The following SVIL variants were observed in gnomAD, a reference collection of about 807,000 sequenced individuals.
SVIL encodes the protein archvillin.
SVIL carries 101 observed loss-of-function variants against 240.4 expected under a neutral mutation model. The observed-to-expected ratio is 0.42, with a 90% CI of 0.36 to 0.50. SVIL has a LOEUF of 0.50. Ranked by LOEUF, SVIL falls within the 20% of genes least tolerant of loss-of-function variation. SVIL has a pLI of 0.01. For missense variants in SVIL, 2,512 were observed against 2,818.7 expected, an observed-to-expected ratio of 0.89 and a Z score of 2.46; for synonymous variants, 999 against 1,100.0, an observed-to-expected ratio of 0.91 and a Z score of 1.82.
chr10:29,592,124 T>C (rs781216646), intron 1 of SVIL, among the ~76,000 whole-genome samples: 2 of 152,210 alleles, frequency 1.3e-5, no homozygotes, highest in Non-Finnish European at 2.9e-5. Flanking sequence ...TGGTGGTATA[T>C]GCCTATAATC....
At chr10:29,677,499 C>T (rs1373593526) in intron 2 of SVIL, among the ~76,000 whole-genome samples, 2 of 152,138 alleles carry the variant, frequency 1.3e-5, no homozygotes, top group Non-Finnish European at 2.9e-5. Context: ...GCTTCAAACT[C>T]CTGGACTCCA....
intron 2 of SVIL, among the ~76,000 whole-genome samples, chr10:29,666,384 C>A (rs1311490675): frequency 1.3e-5 from 2 of 152,210 alleles, no homozygotes; most frequent in Non-Finnish European, 2.9e-5. Context: ...TCTGACTTCT[C>A]TGCCTGGGGC....
At chr10:29,570,508 G>A (rs1431008983) in intron 1 of SVIL, among the ~76,000 whole-genome samples, 1 of 152,204 alleles carries the variant, frequency 6.6e-6, no homozygotes, top group Non-Finnish European at 1.5e-5. Flanking sequence ...TTGAAAGCAT[G>A]TATTTTCCTC....
Position 29,486,191 on chromosome 10 carries a change from G to C in SVIL, c.4673C>G (p.Ala1558Gly), listed in dbSNP as rs146015061. 1.7e-5 allele frequency: 27 copies of C among 1,614,168 alleles called. No individual in the cohort carries two copies. Among genetic ancestry groups the C allele is most frequent in the Non-Finnish European group, 2.2e-5 (26 of 1,180,026 alleles). ...DPKEDELYEA[A>G]IIETNCIYRL... ...GTAAATGCAGTTAGTTTCTATTATG[G>C]CTGCTTCATAGAGTTCATCTTCTTT... Residue 1558 changes from alanine (A) to glycine (G), a missense_variant, in exon 26 of 38, where the codon GCC becomes GGC. This residue lies in a region of SVIL where 797 missense variants were observed against 925.3 expected (regional missense o/e 0.86). Transcript: ENST00000355867.
At chr10:29,702,151 G>A (rs1962559775) in intron 1 of SVIL, among the ~76,000 whole-genome samples, 1 of 126,888 alleles carries the variant, frequency 7.9e-6, no homozygotes, top group African/African-American at 2.9e-5. Flanking sequence ...CTCCAGCCTG[G>A]GTAATAGAGC....
At position 29,550,630 on chromosome 10, in the gene SVIL, C is replaced by T. The variant is rs1398609519; in HGVS notation, c.794G>A (p.Gly265Asp). 1.9e-5 allele frequency: 30 copies of T among 1,613,050 alleles called. No homozygotes were observed. Among genetic ancestry groups the T allele is most frequent in the Non-Finnish European group, 2.3e-5 (27 of 1,179,534 alleles). The change falls in exon 6 of 38, where the codon GGT becomes GAT. Residue 265 changes from glycine (G) to aspartate (D), a missense_variant. Physicochemically the swap from Gly to Asp is moderately conservative, Grantham distance 94. Around this residue, in one of 3 missense-constraint regions of SVIL, gnomAD observed 1,443 missense variants for 1,486.6 expected, o/e 0.97. Coordinates refer to ENST00000355867, the MANE Select transcript of SVIL (RefSeq NM_021738.3). ...QQAASRSPSF[G>D]DPQLSPEARP... ...GGCCTCAGGGGATAGCTGTGGGTCA[C>T]CAAAGGAGGGGCTCCGGGAGGCTGC...
At chr10:29,541,662 A>C (rs1040902184) in intron 6 of SVIL, among the ~76,000 whole-genome samples, 1 of 152,010 alleles carries the variant, frequency 6.6e-6, no homozygotes, top group Admixed American at 6.5e-5. Flanking sequence ...AATTGTCAGA[A>C]AATGCTGGAA....
chr10:29,621,154 C>T (rs1356525566), intron 1 of SVIL, among the ~76,000 whole-genome samples: 1 of 152,100 alleles, frequency 6.6e-6, no homozygotes, highest in Non-Finnish European at 1.5e-5. Context: ...ATGTAAGAAT[C>T]AGGTAAATCT....
intron 8 of SVIL, 110 bp from the exon 9 acceptor site, chr10:29,532,282 C>T (rs1589139266): frequency 7.4e-7 from 1 of 1,348,476 alleles, no homozygotes. Flanking sequence ...CACCACCAAA[C>T]CCCTCTTCAT....
upstream of SVIL, among the ~76,000 whole-genome samples, chr10:29,638,011 T>A (rs1487790470): frequency 6.6e-6 from 1 of 152,138 alleles, no homozygotes; most frequent in African/African-American, 2.4e-5. Context: ...GTTCTGGAAC[T>A]CTTCTATTGG....
At chr10:29,679,408 C>T (rs1044385513) in intron 2 of SVIL, among the ~76,000 whole-genome samples, 1 of 152,196 alleles carries the variant, frequency 6.6e-6, no homozygotes, top group Non-Finnish European at 1.5e-5. Context: ...CTCCTTTCCA[C>T]ATGCAAGTCT....
At chr10:29,728,976 A>G (rs12247281) in intron 1 of SVIL, among the ~76,000 whole-genome samples, 10,561 of 152,126 alleles carry the variant, frequency 0.069, 946 homozygotes, top group African/African-American at 0.21. Flanking sequence ...AATGTCAAAG[A>G]GGGAAACAAA....
intron 1 of SVIL, among the ~76,000 whole-genome samples, chr10:29,592,322 T>C (rs1354251706): frequency 6.6e-6 from 1 of 152,244 alleles, no homozygotes; most frequent in Admixed American, 6.5e-5. Context: ...CTAAGTGTAA[T>C]ATTTGCATAT....
At position 29,561,766 on chromosome 10, in the gene SVIL, C is replaced by T. The variant is rs534094442; in HGVS notation, c.-51+1435G>A. On this transcript the variant is annotated intron_variant, in intron 3 of 37. Transcript: ENST00000355867. ...CGTGGACCACCTCATTTCCAGGTAC[C>T]GTGAACGATTAATTTTCTTTTTGAT... Among the ~76,000 whole-genome samples, 9 of 152,254 alleles carry T rather than the reference C, an allele frequency of 5.9e-5. No homozygotes were observed. In the South Asian group the frequency reaches 1.9e-3, roughly 32 times the overall value.
intron 3 of SVIL, among the ~76,000 whole-genome samples, chr10:29,561,673 G>A (rs1017127824): frequency 3.3e-5 from 5 of 150,908 alleles, no homozygotes; most frequent in Non-Finnish European, 5.9e-5. Context: ...ATCTGCACCC[G>A]TCCTAACTGG....
At position 29,531,998 on chromosome 10, in the gene SVIL, C is replaced by T. The variant is rs751557838; in HGVS notation, c.2009+4G>A. ...ATGAGGAAACTGCGCATACGCATGC[C>T]TACCTATCCGATTCCTTTCGTTCTG... On this transcript the variant is annotated splice_donor_region_variant and intron_variant, in intron 9 of 37. Transcript: ENST00000355867. 1 of 1,614,006 alleles carries T rather than the reference C, an allele frequency of 6.2e-7. No homozygotes were observed. The highest frequency in any genetic ancestry group is 8.5e-7 in the Non-Finnish European group (1 of 1,179,976).
At chr10:29,492,243 AG>A (rs112881166) in intron 21 of SVIL, among the ~76,000 whole-genome samples, 25 of 152,202 alleles carry the variant, frequency 1.6e-4, no homozygotes, top group Admixed American at 7.8e-4. Context: ...AGGGATGGAC[AG>A]GGGGCTCAAG....
chr10:29,487,228 G>T lies in SVIL; in HGVS notation c.4420C>A (p.Leu1474Met). The T allele has an allele frequency of 1.2e-6, 2 of 1,614,152 alleles. No individual in the cohort carries two copies. Among genetic ancestry groups the T allele is most frequent in the Non-Finnish European group, 1.7e-6 (2 of 1,180,010 alleles). The change falls in exon 24 of 38, where the codon CTG (leucine) becomes ATG (methionine). Residue 1474 changes from leucine to methionine, a missense_variant. This residue lies in a region of SVIL where 272 missense variants were observed against 406.8 expected (regional missense o/e 0.67). Coordinates refer to ENST00000355867, the MANE Select transcript of SVIL (RefSeq NM_021738.3). ...SALNSGDCFL[L>M]LSPHCCFLWV... ...AGGAAGCAGCAGTGGGGAGAGAGCA[G>T]GAGGAAGCAGTCCCCACTGTTGAGC...
chr10:29,669,393 G>A (rs1314781236), intron 2 of SVIL, among the ~76,000 whole-genome samples: 1 of 152,210 alleles, frequency 6.6e-6, no homozygotes, highest in Non-Finnish European at 1.5e-5. Flanking sequence ...AGGAAGTGCT[G>A]TTCAGTGATG....
Sources: allele counts gnomAD v4.1 joint callset (sites outside exome capture counted in the v4.1 genomes callset), GRCh38; gene constraint gnomAD v4.1.1; regional missense constraint gnomAD v4.1.1; transcripts MANE v1.5; gene names NCBI Gene and HGNC (gene_info 2026-07-23, HGNC 2026-07-21).